The following ETFDH variants were observed in gnomAD, a reference collection of about 807,000 sequenced individuals.
ETFDH encodes the protein electron transfer flavoprotein dehydrogenase, also known as electron transfer flavoprotein-ubiquinone oxidoreductase, mitochondrial.
ETFDH carries 61 observed loss-of-function variants against 73.2 expected under a neutral mutation model. The ratio of observed to expected loss-of-function variants is 0.83; its 90% confidence interval spans 0.68 to 1.03. ETFDH has a LOEUF of 1.03. Ranked by LOEUF, ETFDH falls within the 50% of genes least tolerant of loss-of-function variation. ETFDH has a pLI of 0.00. For missense variants in ETFDH, 685 were observed against 745.0 expected (o/e 0.92, Z 0.94); for synonymous variants, 243 against 253.3 (o/e 0.96, Z 0.39).
At position 158,682,382 on chromosome 4, in the gene ETFDH, A is replaced by G. The variant is rs1773885365; in HGVS notation, c.363A>G (p.Pro121=). The G allele has an allele frequency of 6.8e-6, 11 of 1,614,088 alleles. No homozygotes were observed. The highest frequency in any genetic ancestry group is 1.3e-5 in the African/African-American group (1 of 74,934). The change falls in exon 3 of 13, where the codon CCA becomes CCG. Residue 121 remains proline (P), a synonymous_variant. Transcript: ENST00000511912. ...CTCTCTCAGGGGCTTGCCTTGATCCAGGTGCTTTTAAAGAACTCTTCCCAG... is the reference window on the plus strand; with the variant it reads ...CTCTCTCAGGGGCTTGCCTTGATCCGGGTGCTTTTAAAGAACTCTTCCCAG... ...AHTLSGACLD[P]GAFKELFPDW...
rs377686388 is a variant in ETFDH, at chr4:158,699,015, T to C, written c.1001T>C (p.Leu334Pro). Residue 334 changes from leucine (L) to proline (P), a missense_variant, in exon 9 of 13, where the codon CTG (leucine) becomes CCG (proline). This residue lies in a region of ETFDH where 405 missense variants were observed against 399.3 expected (regional missense o/e 1.01). Transcript: ENST00000511912. ...VVGLDYQNPYLSPFREFQRWK... is the reference protein window; with the variant it reads ...VVGLDYQNPYPSPFREFQRWK... Reference sequence around the variant, plus strand: ...GGTCTAGACTATCAGAATCCATACCTGAGTCCATTTAGAGAGTTCCAAAGG... The same window carrying C: ...GGTCTAGACTATCAGAATCCATACCCGAGTCCATTTAGAGAGTTCCAAAGG... 8.3e-5 allele frequency: 134 copies of C among 1,609,850 alleles called. No individual in the cohort carries two copies. The highest frequency in any genetic ancestry group is 1.1e-4 in the Non-Finnish European group (127 of 1,176,182).
chr4:158,707,841 A>G (rs1191995877), intron 12 of ETFDH, among the ~76,000 whole-genome samples: 1 of 152,230 alleles, frequency 6.6e-6, no homozygotes, highest in Admixed American at 6.5e-5. Flanking sequence ...GTAAGACTGT[A>G]TCTTCTGTGA....
intron 10 of ETFDH, among the ~76,000 whole-genome samples, chr4:158,704,280 G>A (rs1371274436): frequency 6.6e-6 from 1 of 152,184 alleles, no homozygotes; most frequent in Non-Finnish European, 1.5e-5. Flanking sequence ...CTATTCTTTA[G>A]CAAGCTTTGT....
At chr4:158,673,214 G>C (rs1773624392) in intron 1 of ETFDH, among the ~76,000 whole-genome samples, 1 of 152,210 alleles carries the variant, frequency 6.6e-6, no homozygotes, top group South Asian at 2.1e-4. Context: ...TTAGGTAGGA[G>C]AATCACTTGA....
At chr4:158,697,722 A>G (rs768903008) in intron 8 of ETFDH, 23 bp downstream of exon 8, 1 of 1,605,268 alleles carries the variant, frequency 6.2e-7, no homozygotes, top group East Asian at 2.2e-5. Context: ...CCCATTAGGG[A>G]AAATTCTGCT....
In ETFDH at chr4:158,678,794, C is replaced by T. The variant is rs117704460; in HGVS notation, c.35-1673C>T. Among the ~76,000 whole-genome samples the T allele has an allele frequency of 5.1e-4, 77 of 152,016 alleles. No individual in the cohort carries two copies. In the East Asian group the frequency reaches 0.014, roughly 28 times the overall value. On this transcript the variant is annotated intron_variant, in intron 1 of 12. Coordinates refer to ENST00000511912, the MANE Select transcript of ETFDH (RefSeq NM_004453.4). The stretch of plus-strand genomic sequence containing the variant: ...TCCTGAGTAGGTGGGACTGCAGGTG[C>T]ATACCACCACACCTAGCTAATTTTT...
Position 158,708,761 on chromosome 4 carries a change from T to C in ETFDH, c.*234T>C. Reference sequence around the variant, plus strand: ...TCCTACCTCTTCAGTTCTTCAGAGATTCAGTACCAAGAGCAAAATTCACTA... The same window carrying C: ...TCCTACCTCTTCAGTTCTTCAGAGACTCAGTACCAAGAGCAAAATTCACTA... On this transcript the variant is annotated 3_prime_UTR_variant, in exon 13 of 13. Transcript: ENST00000511912. The C allele has an allele frequency of 2.1e-6, 1 of 466,392 alleles. No individual in the cohort carries two copies. Among genetic ancestry groups the C allele is most frequent in the South Asian group, 2.4e-5 (1 of 41,096 alleles). 28.9% of individuals were successfully genotyped at this position (466,392 alleles called of 1,614,324 possible). A position where few individuals can be genotyped will look rare whatever the true frequency, so the allele number is the denominator to read the frequency against.
intron 10 of ETFDH, among the ~76,000 whole-genome samples, chr4:158,705,325 G>A (rs1774578370): frequency 3.3e-5 from 5 of 152,170 alleles, no homozygotes; most frequent in Non-Finnish European, 7.3e-5. Context: ...GGCCTCCCAA[G>A]TAGCTGGAAA....
Position 158,706,863 on chromosome 4 carries a change from A to G in ETFDH, c.1690+13A>G. 6.6e-7 allele frequency: 1 copy of G among 1,508,732 alleles called. No homozygotes were observed. 93.5% of individuals were successfully genotyped at this position (1,508,732 alleles called of 1,614,324 possible). On this transcript the variant is annotated intron_variant, in intron 12 of 12. Transcript: ENST00000511912. ...TTCTGTCCTGCAGGTAATAATTTCC[A>G]TCTATTCCTAAATATTTGCTTTAAA...
intron 10 of ETFDH, among the ~76,000 whole-genome samples, chr4:158,704,350 C>T (rs1044756077): frequency 5.3e-5 from 8 of 152,284 alleles, no homozygotes; most frequent in Admixed American, 2.0e-4. Flanking sequence ...CTTATACCTC[C>T]GTAAAGCTTT....
Position 158,709,548 on chromosome 4 carries a change from C to G in ETFDH, c.*1021C>G. The stretch of plus-strand genomic sequence containing the variant: ...CTCCATCTCAAAGAAACAAACAAAA[C>G]CACTTTACTTACTGTATTGTGACAT... On this transcript the variant is annotated 3_prime_UTR_variant, in exon 13 of 13. Transcript: ENST00000511912. 2 of 440,614 alleles carry G rather than the reference C, an allele frequency of 4.5e-6. No individual in the cohort carries two copies. The highest frequency in any genetic ancestry group is 8.0e-6 in the Non-Finnish European group (2 of 251,482). 27.3% of individuals were successfully genotyped at this position (440,614 alleles called of 1,614,324 possible).
At position 158,690,020 on chromosome 4, in the gene ETFDH, A is replaced by G. The variant is rs150278761; in HGVS notation, c.607-328A>G. On this transcript the variant is annotated intron_variant, in intron 5 of 12. Coordinates refer to ENST00000511912, the MANE Select transcript of ETFDH (RefSeq NM_004453.4). ...TTCATGTGTTACAGGCCTCCATTTCAGATTCTTTACACGATTTGACATCTG... is the reference window on the plus strand; with the variant it reads ...TTCATGTGTTACAGGCCTCCATTTCGGATTCTTTACACGATTTGACATCTG... 1.4e-3 allele frequency among the ~76,000 whole-genome samples: 217 copies of G among 152,086 alleles called. 2 individuals carry two copies. Among genetic ancestry groups the G allele is most frequent in the African/African-American group, 5.0e-3 (208 of 41,478 alleles).
At chr4:158,672,695 G>T (rs1182652427) in intron 1 of ETFDH, among the ~76,000 whole-genome samples, 2 of 152,094 alleles carry the variant, frequency 1.3e-5, no homozygotes, top group African/African-American at 4.8e-5. Context: ...TAATATCTAG[G>T]CTAAAGGTCA....
chr4:158,693,067 G>A (rs1774219894), intron 6 of ETFDH, among the ~76,000 whole-genome samples: 1 of 152,014 alleles, frequency 6.6e-6, no homozygotes, highest in Non-Finnish European at 1.5e-5. Context: ...TTAGAGTGGG[G>A]AAAATCAAAG....
Position 158,708,373 on chromosome 4 carries a change from A to G in ETFDH, c.1700A>G (p.Glu567Gly). 1 of 1,611,320 alleles carries G rather than the reference A, an allele frequency of 6.2e-7. No homozygotes were observed. Among genetic ancestry groups the G allele is most frequent in the South Asian group, 1.1e-5 (1 of 90,982 alleles). The change falls in exon 13 of 13, where the codon GAA becomes GGA. Residue 567 changes from glutamate (E) to glycine (G), a missense_variant. Glu to Gly is a moderately conservative substitution (Grantham distance 98, BLOSUM62 -2). This residue lies in a region of ETFDH where 201 missense variants were observed against 225.2 expected (regional missense o/e 0.89). Coordinates refer to ENST00000511912, the MANE Select transcript of ETFDH (RefSeq NM_004453.4). ...TATTTTTACTTTTCAGGAGTTTATG[A>G]ATTTGTACCTGTGGAACAAGGTGAT... ...EQRFCPAGVY[E>G]FVPVEQGDGF...
chr4:158,707,376 A>C (rs1774655484), intron 12 of ETFDH, among the ~76,000 whole-genome samples: 1 of 152,236 alleles, frequency 6.6e-6, no homozygotes, highest in Non-Finnish European at 1.5e-5. Context: ...ATACACTGTG[A>C]CTTGGTCTTT....
intron 1 of ETFDH, among the ~76,000 whole-genome samples, chr4:158,675,477 C>T (rs1377661600): frequency 1.3e-5 from 2 of 152,120 alleles, no homozygotes; most frequent in Admixed American, 6.6e-5. Context: ...ATAAATAATT[C>T]AGCTGTTGGT....
Position 158,690,381 on chromosome 4 carries a change from A to G in ETFDH, c.640A>G (p.Ile214Val). 6.2e-7 allele frequency: 1 copy of G among 1,604,576 alleles called. No individual in the cohort carries two copies. Among genetic ancestry groups the G allele is most frequent in the African/African-American group, 1.3e-5 (1 of 74,840 alleles). Residue 214 changes from isoleucine (I) to valine (V), a missense_variant, in exon 6 of 13, where the codon ATT (isoleucine) becomes GTT (valine). Physicochemically the swap from Ile to Val is conservative, Grantham distance 29. Around this residue, in one of 3 missense-constraint regions of ETFDH, gnomAD observed 405 missense variants for 399.3 expected, o/e 1.01. Coordinates refer to ENST00000511912, the MANE Select transcript of ETFDH (RefSeq NM_004453.4). Reference sequence around the variant, plus strand: ...TCATGATGATGGTAGTGTAAAAGGAATTGCCACTAACGATGTAGGGATACA... The same window carrying G: ...TCATGATGATGGTAGTGTAAAAGGAGTTGCCACTAACGATGTAGGGATACA... ...LFHDDGSVKG[I>V]ATNDVGIQKD...
chr4:158,696,523 T>C (rs994826537), intron 7 of ETFDH, among the ~76,000 whole-genome samples: 1 of 151,820 alleles, frequency 6.6e-6, no homozygotes, highest in Non-Finnish European at 1.5e-5. Context: ...AAAAAGAATA[T>C]AGTAATTAAC....
Sources: gnomAD v4.1 joint callset for allele counts (sites outside exome capture counted in the v4.1 genomes callset) on GRCh38, gnomAD v4.1.1 for gene constraint, gnomAD v4.1.1 regional missense constraint, MANE v1.5 for transcripts, NCBI Gene and HGNC (gene_info 2026-07-23, HGNC 2026-07-21) for gene names.